TBC1D31: variants seen among roughly 807,000 people sequenced by gnomAD.
TBC1D31 encodes the protein TBC1 domain family member 31.
In TBC1D31, 99 loss-of-function variants were observed where a neutral mutation model predicts 132.9. That is an observed-to-expected ratio of 0.74 (90% CI 0.63 to 0.88). The LOEUF is 0.88. Ranked by LOEUF, TBC1D31 falls within the 40% of genes least tolerant of loss-of-function variation. The probability of loss-of-function intolerance (pLI) is 0.00; values close to 1 mark genes in which losing one functional copy is unlikely to be tolerated. For synonymous variants in TBC1D31, 385 were observed against 419.4 expected, an observed-to-expected ratio of 0.92 and a Z score of 1.00; for missense variants, 1,134 against 1,256.6, an observed-to-expected ratio of 0.90 and a Z score of 1.48.
intron 10 of TBC1D31, among the ~76,000 whole-genome samples, chr8:123,118,202 G>A (rs1819130905): frequency 6.6e-6 from 1 of 152,088 alleles, no homozygotes; most frequent in South Asian, 2.1e-4. Flanking sequence ...AGAAATAACG[G>A]AAAAATGATA....
At chr8:123,096,364 C>A (rs1816836683) in intron 5 of TBC1D31, among the ~76,000 whole-genome samples, 1 of 152,126 alleles carries the variant, frequency 6.6e-6, no homozygotes, top group Non-Finnish European at 1.5e-5. Context: ...ACTTACTTTT[C>A]CTTATATACT....
rs770929608 is a variant in TBC1D31, at chr8:123,109,584, C to T, written c.1400C>T (p.Pro467Leu). ...VAFLNLQKKY[P>L]IKSRKLLRVL... ...TTTCTCAACCTTCAGAAGAAATACCCCATCAAAAGTAGGAAGCTACTCAGA... is the reference window on the plus strand; with the variant it reads ...TTTCTCAACCTTCAGAAGAAATACCTCATCAAAAGTAGGAAGCTACTCAGA... Residue 467 changes from proline (P) to leucine (L), a missense_variant, in exon 10 of 22, where the codon CCC (proline) becomes CTC (leucine). Physicochemically the swap from Pro to Leu is moderately conservative, Grantham distance 98. Coordinates refer to ENST00000287380, the MANE Select transcript of TBC1D31 (RefSeq NM_145647.4). 2 of 1,613,514 alleles carry T rather than the reference C, an allele frequency of 1.2e-6. No homozygotes were observed. Among genetic ancestry groups the T allele is most frequent in the Non-Finnish European group, 1.7e-6 (2 of 1,179,850 alleles).
rs1818263144 is a variant in TBC1D31 at position 123,109,566 on chromosome 8, A to G, written c.1382A>G (p.Asn461Ser). The G allele has an allele frequency of 1.2e-6, 2 of 1,613,816 alleles. No individual in the cohort carries two copies. The highest frequency in any genetic ancestry group is 2.7e-5 in the African/African-American group (2 of 74,902). Residue 461 changes from asparagine to serine, a missense_variant, in exon 10 of 22, where the codon AAC becomes AGC. Physicochemically the swap from Asn to Ser is conservative, Grantham distance 46. Coordinates refer to ENST00000287380, the MANE Select transcript of TBC1D31 (RefSeq NM_145647.4). ...IDKGTHVAFL[N>S]LQKKYPIKSR... is the part of the protein sequence containing the mutation. ...AAGGGGACTCATGTGGCATTTCTCA[A>G]CCTTCAGAAGAAATACCCCATCAAA...
intron 1 of TBC1D31, among the ~76,000 whole-genome samples, chr8:123,074,001 A>G (rs1046888942): frequency 2.7e-5 from 4 of 149,044 alleles, no homozygotes; most frequent in Non-Finnish European, 5.9e-5. Context: ...TGATTTTTCT[A>G]TTGATCCTTT....
In TBC1D31 at chr8:123,093,742, G is replaced by T; in HGVS notation, c.671G>T (p.Arg224Ile). ...SILYKVFAVT[R>I]DGRILAAGGK... ...TTATACAAAGTGTTTGCTGTAACCA[G>T]GTAATGTGCATTTTAAGACACTAGG... is the stretch of plus-strand genomic sequence containing the variant. The change falls in exon 5 of 22, where the codon AGA (arginine) becomes ATA (isoleucine). Residue 224 changes from arginine to isoleucine, a missense_variant and splice_region_variant. By Grantham distance (97) the Arg-to-Ile change is moderately conservative. Transcript: ENST00000287380. 1 of 1,561,034 alleles carries T rather than the reference G, an allele frequency of 6.4e-7. No individual in the cohort carries two copies. The highest frequency in any genetic ancestry group is 8.7e-7 in the Non-Finnish European group (1 of 1,148,670).
Position 123,072,718 on chromosome 8 carries a change from G to T in TBC1D31, c.-52G>T. On this transcript the variant is annotated 5_prime_UTR_variant, in exon 1 of 22. Coordinates refer to ENST00000287380, the MANE Select transcript of TBC1D31 (RefSeq NM_145647.4). ...CGGGAGCGCTGGGCCTGCCGGGAAG[G>T]CGCTGGGACGGTTACCCAGCGGGCC... The T allele has an allele frequency of 1.3e-6, 2 of 1,534,618 alleles. No homozygotes were observed. The highest frequency in any genetic ancestry group is 2.4e-5 in the South Asian group (2 of 83,452).
chr8:123,077,327 T>C (rs1563663264), intron 2 of TBC1D31, 70 bp downstream of exon 2: 3 of 1,357,962 alleles, frequency 2.2e-6, no homozygotes, highest in Non-Finnish European at 3.0e-6. Flanking sequence ...TCGTACCTGC[T>C]ATTCATTATT....
chr8:123,101,436 C>T (rs756330564), intron 7 of TBC1D31, among the ~76,000 whole-genome samples: 14 of 151,994 alleles, frequency 9.2e-5, no homozygotes, highest in Admixed American at 7.2e-4. Context: ...TTTTTTGAGA[C>T]GGAGTTTTGC....
At chr8:123,146,973 G>A (rs1449698473) in intron 20 of TBC1D31, among the ~76,000 whole-genome samples, 1 of 152,008 alleles carries the variant, frequency 6.6e-6, no homozygotes, top group Non-Finnish European at 1.5e-5. Flanking sequence ...GCCAAATCAT[G>A]CCGACTCTTA....
Position 123,097,298 on chromosome 8 carries a change from G to A in TBC1D31, c.688G>A (p.Ala230Thr). The A allele has an allele frequency of 3.7e-6, 6 of 1,614,064 alleles. No homozygotes were observed. The highest frequency in any genetic ancestry group is 5.1e-6 in the Non-Finnish European group (6 of 1,179,998). The change falls in exon 6 of 22, where the codon GCT (alanine) becomes ACT (threonine). Residue 230 changes from alanine to threonine, a missense_variant. Ala to Thr is a moderately conservative substitution (Grantham distance 58). Transcript: ENST00000287380. ...TTTATATAGAGATGGCCGAATCCTGGCTGCTGGAGGCAAGTCAAATCATCT... is the reference window on the plus strand; with the variant it reads ...TTTATATAGAGATGGCCGAATCCTGACTGCTGGAGGCAAGTCAAATCATCT... ...FAVTRDGRIL[A>T]AGGKSNHLHL...
chr8:123,139,918 C>T (rs1406083981), intron 17 of TBC1D31, among the ~76,000 whole-genome samples: 1 of 152,090 alleles, frequency 6.6e-6, no homozygotes, highest in African/African-American at 2.4e-5. Context: ...TGAGTGAGAT[C>T]AAAAAAGACA....
chr8:123,105,360 A>T lies in TBC1D31; in HGVS notation c.1105A>T (p.Lys369Ter), dbSNP rs1341721589. The change falls in exon 8 of 22, where the codon AAA becomes TAA. Residue 369 changes from lysine (K) to a stop codon, truncating the protein, a stop_gained. Transcript: ENST00000287380. LOFTEE classifies it high-confidence loss of function. ...NKLSSSDLKMKVTSGRVQQPA... is the reference protein window; with the variant it reads ...NKLSSSDLKM ...ACTGAGTTCCAGTGATCTTAAGATG[A>T]AAGTAACATCAGGGAGAGTACAGCA... 3.1e-6 allele frequency: 5 copies of T among 1,611,772 alleles called. No individual in the cohort carries two copies. In the South Asian group the frequency reaches 5.5e-5, roughly 18 times the overall value.
chr8:123,096,378 C>T (rs74597467), intron 5 of TBC1D31, among the ~76,000 whole-genome samples: 5,691 of 152,248 alleles, frequency 0.037, 164 homozygotes, highest in Middle Eastern at 0.061. Flanking sequence ...ATATACTAAC[C>T]TTATTGCTTT....
At position 123,150,033 on chromosome 8, in the gene TBC1D31, CAGA is replaced by C. The variant is rs1365316143; in HGVS notation, c.2977_2979del (p.Glu993del). On this transcript the variant is annotated splice_acceptor_variant and coding_sequence_variant, in exon 21 of 22. Transcript: ENST00000287380. LOFTEE classifies it high-confidence loss of function. ...CATCTTAATCTCCTCACTTTTATAA[CAGA>C]AGAACCCAGGTTCCAAAATGAACAG... 1.9e-6 allele frequency: 3 copies of C among 1,611,872 alleles called. No individual in the cohort carries two copies. In the African/African-American group the frequency reaches 4.0e-5, roughly 22 times the overall value.
intron 20 of TBC1D31, among the ~76,000 whole-genome samples, chr8:123,147,125 G>C (rs1822290595): frequency 6.6e-6 from 1 of 151,794 alleles, no homozygotes; most frequent in Non-Finnish European, 1.5e-5. Flanking sequence ...CTAATCATGG[G>C]AGCTGTCACT....
rs193269599 is a variant in TBC1D31, at chr8:123,134,345, C to A, written c.2499+139C>A. 1.6e-3 allele frequency: 993 copies of A among 632,094 alleles called. 1 individual carries two copies. The highest frequency in any genetic ancestry group is 7.9e-3 in the Middle Eastern group (24 of 3,024). 39.2% of individuals were successfully genotyped at this position (632,094 alleles called of 1,614,324 possible). A position where few individuals can be genotyped will look rare whatever the true frequency, so the allele number is the denominator to read the frequency against. On this transcript the variant is annotated intron_variant, in intron 17 of 21. Transcript: ENST00000287380. The stretch of plus-strand genomic sequence containing the variant: ...TAAGGAATTCCAGACCAGACCTGGG[C>A]AATATAGTGAGACCCCATCTCTACT...
chr8:123,091,116 G>A (rs1321153237), intron 4 of TBC1D31, among the ~76,000 whole-genome samples: 1 of 152,012 alleles, frequency 6.6e-6, no homozygotes, highest in African/African-American at 2.4e-5. Flanking sequence ...CTTTGTTAAT[G>A]TTTTGAAGTT....
intron 1 of TBC1D31, among the ~76,000 whole-genome samples, chr8:123,073,982 G>C (rs775251603): frequency 2.0e-5 from 3 of 151,734 alleles, no homozygotes; most frequent in Non-Finnish European, 2.9e-5. Flanking sequence ...CACCGCGCCC[G>C]GCCTCTAGTG....
intron 2 of TBC1D31, among the ~76,000 whole-genome samples, chr8:123,081,681 T>C (rs967156817): frequency 2.0e-5 from 3 of 152,240 alleles, no homozygotes; most frequent in Non-Finnish European, 4.4e-5. Context: ...CTCTGTTCCA[T>C]GTAGCTGGGG....
Sources: gnomAD v4.1 joint callset for allele counts (sites outside exome capture counted in the v4.1 genomes callset) on GRCh38, gnomAD v4.1.1 for gene constraint, MANE v1.5 for transcripts, NCBI Gene and HGNC (gene_info 2026-07-23, HGNC 2026-07-21) for gene names.